UCHL1: variants seen among roughly 807,000 people sequenced by gnomAD.
The protein encoded by UCHL1 is ubiquitin C-terminal hydrolase L1.
Under a neutral mutation model 33.3 loss-of-function variants are expected in UCHL1, and 5 were observed. The observed-to-expected ratio is 0.15, with a 90% CI of 0.08 to 0.32. The LOEUF is 0.32. UCHL1 is among the 10% of genes least tolerant of loss of function. The pLI, the probability that UCHL1 is intolerant of heterozygous loss-of-function variation, is 1.00. For synonymous variants in UCHL1, 132 were observed against 108.8 expected, an observed-to-expected ratio of 1.21 and a Z score of -1.33; for missense variants, 236 against 280.0, an observed-to-expected ratio of 0.84 and a Z score of 1.12.
chr4:41,261,736 A>C lies in UCHL1; in HGVS notation c.347A>C (p.Gln116Pro). 6.2e-7 allele frequency: 1 copy of C among 1,613,120 alleles called. No homozygotes were observed. Among genetic ancestry groups the C allele is most frequent in the Non-Finnish European group, 8.5e-7 (1 of 1,180,026 alleles). Residue 116 changes from glutamine (Q) to proline (P), a missense_variant, in exon 5 of 9, where the codon CAG (glutamine) becomes CCG (proline). Physicochemically the swap from Gln to Pro is moderately conservative, Grantham distance 76. Coordinates refer to ENST00000284440, the MANE Select transcript of UCHL1 (RefSeq NM_004181.5). ...TAAGAGGATGGATCAGTTCTGAAAC[A>C]GTTTCTTTCTGAAACAGAGAAAATG... ...LGFEDGSVLKQFLSETEKMSP... is the reference protein window; with the variant it reads ...LGFEDGSVLKPFLSETEKMSP...
Position 41,268,021 on chromosome 4 carries a change from G to A in UCHL1, c.620G>A (p.Arg207His). The A allele has an allele frequency of 1.2e-6, 2 of 1,613,654 alleles. No homozygotes were observed. The highest frequency in any genetic ancestry group is 2.2e-5 in the East Asian group (1 of 44,886). ...AAKVCREFTE[R>H]EQGEVRFSAV... is the part of the protein sequence containing the mutation. Reference sequence around the variant, plus strand: ...AAGGTCTGCAGAGAATTCACCGAGCGTGAGCAAGGAGAAGTCCGCTTCTCT... The same window carrying A: ...AAGGTCTGCAGAGAATTCACCGAGCATGAGCAAGGAGAAGTCCGCTTCTCT... The change falls in exon 9 of 9, where the codon CGT (arginine) becomes CAT (histidine). Residue 207 changes from arginine (R) to histidine (H), a missense_variant. Coordinates refer to ENST00000284440, the MANE Select transcript of UCHL1 (RefSeq NM_004181.5).
At chr4:41,266,689 T>C (rs1227690601) in intron 8 of UCHL1, among the ~76,000 whole-genome samples, 2 of 152,138 alleles carry the variant, frequency 1.3e-5, no homozygotes, top group Non-Finnish European at 2.9e-5. Flanking sequence ...GGTGCAATCA[T>C]GGCTTACTGT....
chr4:41,264,229 GT>G, intron 8 of UCHL1, 68 bp downstream of exon 8: 1 of 1,592,408 alleles, frequency 6.3e-7, no homozygotes. Flanking sequence ...CTATTCTAAA[GT>G]GCTAACACTC....
chr4:41,260,525 A>T, intron 3 of UCHL1, 122 bp from the exon 4 acceptor site: 2 of 1,258,016 alleles, frequency 1.6e-6, no homozygotes, highest in Non-Finnish European at 2.3e-6. Context: ...GCCAACATCT[A>T]GAACCAGGGG....
At chr4:41,265,435 A>G (rs985172540) in intron 8 of UCHL1, among the ~76,000 whole-genome samples, 2 of 152,174 alleles carry the variant, frequency 1.3e-5, no homozygotes, top group Non-Finnish European at 2.9e-5. Flanking sequence ...AAAATTAGCC[A>G]GACCTGGTGG....
intron 2 of UCHL1, chr4:41,257,342 G>A (rs1352217550): frequency 1.6e-5 from 15 of 954,778 alleles, no homozygotes; most frequent in Admixed American, 3.2e-5. Context: ...GCTGCGCCCC[G>A]TGGCGAGCGA....
chr4:41,259,179 A>G (rs1289655442), intron 3 of UCHL1, among the ~76,000 whole-genome samples: 1 of 152,250 alleles, frequency 6.6e-6, no homozygotes, highest in Non-Finnish European at 1.5e-5. Context: ...GCTACACAGA[A>G]TGCCTACTGG....
At position 41,265,843 on chromosome 4, in the gene UCHL1, C is replaced by T. The variant is rs74684284; in HGVS notation, c.585+1682C>T. ...ATAGTAATATGGAATGAAGAATAGA[C>T]CTGGAGAGCCAGGATGGGATGGAAG... On this transcript the variant is annotated intron_variant, in intron 8 of 8. Transcript: ENST00000284440. 1.7e-4 allele frequency among the ~76,000 whole-genome samples: 26 copies of T among 152,246 alleles called. No homozygotes were observed. In the East Asian group the frequency reaches 4.6e-3, roughly 27 times the overall value.
chr4:41,267,926 C>G, intron 8 of UCHL1, 61 bp from the exon 9 acceptor site: 1 of 1,451,114 alleles, frequency 6.9e-7, no homozygotes, highest in Non-Finnish European at 9.6e-7. Context: ...GAGCCTTTCC[C>G]TATGTGACTT....
intron 3 of UCHL1, 99 bp downstream of exon 3, chr4:41,257,836 G>A: frequency 2.1e-6 from 3 of 1,458,180 alleles, no homozygotes; most frequent in Middle Eastern, 2.4e-4. Context: ...TCCCCTGTAG[G>A]TGATGCGGGG....
Position 41,263,396 on chromosome 4 carries a change from G to T in UCHL1, c.526+105G>T, listed in dbSNP as rs1051023539. ...ACTTTATGGCACTTGGCATATCATT[G>T]TTTATAAAGCCACAATAACAAAGTA... On this transcript the variant is annotated intron_variant, in intron 7 of 8. Coordinates refer to ENST00000284440, the MANE Select transcript of UCHL1 (RefSeq NM_004181.5). 8.0e-5 allele frequency: 91 copies of T among 1,130,634 alleles called. 2 individuals are homozygous for T. In the Middle Eastern group the frequency reaches 1.4e-3, roughly 17 times the overall value. 70.0% of individuals were successfully genotyped at this position (1,130,634 alleles called of 1,614,324 possible).
rs148096293 is a variant in UCHL1 at position 41,260,695 on chromosome 4, G to A, written c.223G>A (p.Val75Ile). Reference protein sequence around the residue: ...KQIEELKGQEVSPKVYFMKQT... With the variant: ...KQIEELKGQEISPKVYFMKQT... ...GATTGAAGAGCTGAAGGGACAAGAA[G>A]TTAGTCCTAAAGTGTACTTCATGAA... The change falls in exon 4 of 9, where the codon GTT (valine) becomes ATT (isoleucine). Residue 75 changes from valine (V) to isoleucine (I), a missense_variant. Val to Ile is a conservative substitution (Grantham distance 29). Coordinates refer to ENST00000284440, the MANE Select transcript of UCHL1 (RefSeq NM_004181.5). 22 of 1,614,250 alleles carry A rather than the reference G, an allele frequency of 1.4e-5. No homozygotes were observed. Among genetic ancestry groups the A allele is most frequent in the Non-Finnish European group, 1.9e-5 (22 of 1,180,046 alleles).
intron 3 of UCHL1, among the ~76,000 whole-genome samples, chr4:41,258,836 C>T (rs955493607): frequency 2.0e-5 from 3 of 152,174 alleles, no homozygotes; most frequent in African/African-American, 7.2e-5. Context: ...GTTTTTATTG[C>T]TAAAGTCTTT....
chr4:41,257,830 C>T, intron 3 of UCHL1, 93 bp downstream of exon 3: 1 of 1,472,044 alleles, frequency 6.8e-7, no homozygotes, highest in South Asian at 1.3e-5. Context: ...GCCCCCTCCC[C>T]TGTAGGTGAT....
At chr4:41,264,929 G>C (rs1337401137) in intron 8 of UCHL1, among the ~76,000 whole-genome samples, 1 of 152,172 alleles carries the variant, frequency 6.6e-6, no homozygotes, top group Non-Finnish European at 1.5e-5. Context: ...AGAACTTACT[G>C]TGTGCAGACC....
rs1338529283 is a variant in UCHL1, at chr4:41,257,880, C to T, written c.174+143C>T. 1.1e-5 allele frequency: 14 copies of T among 1,285,988 alleles called. No homozygotes were observed. In the Admixed American group the frequency reaches 1.1e-4, roughly 10 times the overall value. 79.7% of individuals were successfully genotyped at this position (1,285,988 alleles called of 1,614,324 possible). A position where few individuals can be genotyped will look rare whatever the true frequency, so the allele number is the denominator to read the frequency against. On this transcript the variant is annotated intron_variant, in intron 3 of 8. Transcript: ENST00000284440. ...CAAGGAAGGGAGGAGCCTGCATTTT[C>T]GTGGTACCTACTCCCTGGGCTCCTG...
intron 8 of UCHL1, among the ~76,000 whole-genome samples, chr4:41,265,584 A>C (rs201065258): frequency 2.0e-5 from 2 of 99,702 alleles, no homozygotes; most frequent in Non-Finnish European, 4.5e-5. Flanking sequence ...GTCTCAGAAG[A>C]AAAAAAAGAA....
At position 41,260,709 on chromosome 4, in the gene UCHL1, G is replaced by A. The variant is rs756641317; in HGVS notation, c.237G>A (p.Val79=). The change falls in exon 4 of 9, where the codon GTG becomes GTA. Residue 79 remains valine, a synonymous_variant. Coordinates refer to ENST00000284440, the MANE Select transcript of UCHL1 (RefSeq NM_004181.5). ...ELKGQEVSPK[V]YFMKQTIGNS... ...AGGGACAAGAAGTTAGTCCTAAAGT[G>A]TACTTCATGAAGCAGACCATTGGGA... 12 of 1,614,214 alleles carry A rather than the reference G, an allele frequency of 7.4e-6. No individual in the cohort carries two copies. The highest frequency in any genetic ancestry group is 1.6e-4 in the Middle Eastern group (1 of 6,062).
intron 2 of UCHL1, 155 bp from the exon 3 acceptor site, chr4:41,257,454 G>A: frequency 9.0e-7 from 1 of 1,105,578 alleles, no homozygotes; most frequent in Non-Finnish European, 1.2e-6. Context: ...CTGTGTCATT[G>A]CGCCGGCCCG....
Sources: gnomAD v4.1 joint callset for allele counts (sites outside exome capture counted in the v4.1 genomes callset) on GRCh38, gnomAD v4.1.1 for gene constraint, MANE v1.5 for transcripts, NCBI Gene and HGNC (gene_info 2026-07-23, HGNC 2026-07-21) for gene names.